ACOXL: variants seen among roughly 807,000 people sequenced by gnomAD.
ACOXL encodes acyl-CoA oxidase like.
A neutral mutation model predicts 71.9 loss-of-function variants in ACOXL; 70 were observed. The ratio of observed to expected loss-of-function variants is 0.97; its 90% CI spans 0.80 to 1.19. ACOXL has a LOEUF of 1.19. Ranked by LOEUF, ACOXL falls within the 50% of genes most tolerant of loss-of-function variation. The pLI, the probability that ACOXL is intolerant of heterozygous loss-of-function variation, is 0.00. For missense variants in ACOXL, 703 were observed against 736.3 expected, an observed-to-expected ratio of 0.95 and a Z score of 0.52; for synonymous variants, 253 against 281.6, an observed-to-expected ratio of 0.90 and a Z score of 1.02.
intron 10 of ACOXL, among the ~76,000 whole-genome samples, chr2:110,857,349 A>G (rs1231901550): frequency 1.3e-5 from 2 of 152,136 alleles, no homozygotes; most frequent in Non-Finnish European, 2.9e-5. Flanking sequence ...TTCATCTCTC[A>G]TTGGCCAGAT....
intron 10 of ACOXL, among the ~76,000 whole-genome samples, chr2:110,867,382 T>C (rs527908109): frequency 2.0e-5 from 3 of 152,310 alleles, no homozygotes; most frequent in Non-Finnish European, 2.9e-5. Flanking sequence ...TAGATCCTTC[T>C]GCATCTCTCT....
At chr2:111,079,822 C>A (rs1485525018) in intron 16 of ACOXL, among the ~76,000 whole-genome samples, 1 of 123,438 alleles carries the variant, frequency 8.1e-6, no homozygotes, top group Non-Finnish European at 1.8e-5. Flanking sequence ...GTAAGAGTCA[C>A]CTTTTTTTTT....
At chr2:110,834,013 C>T (rs544683718) in intron 9 of ACOXL, among the ~76,000 whole-genome samples, 29 of 152,276 alleles carry the variant, frequency 1.9e-4, no homozygotes, top group African/African-American at 7.0e-4. Context: ...AATGGGCTTG[C>T]ACTTTCCTGT....
In ACOXL at chr2:110,956,309, T is replaced by C. The variant is rs146236057; in HGVS notation, c.1059+22667T>C. ...CTGTAGTTCACTATGGGTAGCGTAG[T>C]GCCTAAGATGGAGGGAGCCTTGGTA... On this transcript the variant is annotated intron_variant, in intron 12 of 17. Coordinates refer to ENST00000439055, the MANE Select transcript of ACOXL (RefSeq NM_001142807.4). Among the ~76,000 whole-genome samples the C allele has an allele frequency of 2.2e-3, 330 of 152,266 alleles. 1 individual carries two copies. Among genetic ancestry groups the C allele is most frequent in the African/African-American group, 7.3e-3 (302 of 41,538 alleles).
intron 14 of ACOXL, among the ~76,000 whole-genome samples, chr2:110,996,534 A>G (rs2063405123): frequency 6.6e-6 from 1 of 152,148 alleles, no homozygotes; most frequent in Non-Finnish European, 1.5e-5. Flanking sequence ...TGTCCACCCT[A>G]GCAATATCTG....
At chr2:110,953,169 G>A (rs577524447) in intron 12 of ACOXL, among the ~76,000 whole-genome samples, 3 of 152,220 alleles carry the variant, frequency 2.0e-5, no homozygotes, top group Non-Finnish European at 2.9e-5. Context: ...ATGGGACACT[G>A]GGAGTTTAAG....
intron 17 of ACOXL, chr2:111,100,509 T>C (rs1211220658): frequency 6.5e-6 from 1 of 152,708 alleles, no homozygotes; most frequent in Non-Finnish European, 1.5e-5. Flanking sequence ...ACCTCCCCCA[T>C]ATTTGATCAT....
intron 17 of ACOXL, chr2:111,101,136 C>T (rs1445225931): frequency 6.6e-6 from 1 of 152,612 alleles, no homozygotes; most frequent in Non-Finnish European, 1.5e-5. Context: ...CAGGATGCTG[C>T]TTGGCTCCTT....
chr2:110,863,959 T>C (rs1181221958), intron 10 of ACOXL, among the ~76,000 whole-genome samples: 1 of 152,100 alleles, frequency 6.6e-6, no homozygotes, highest in Admixed American at 6.6e-5. Context: ...GGCTAGAGCT[T>C]CTCCAATTTC....
At chr2:110,861,388 G>A (rs1693937169) in intron 10 of ACOXL, among the ~76,000 whole-genome samples, 1 of 152,012 alleles carries the variant, frequency 6.6e-6, no homozygotes, top group Admixed American at 6.5e-5. Context: ...CACTGGAAAT[G>A]CATATGGCTT....
intron 12 of ACOXL, among the ~76,000 whole-genome samples, chr2:110,954,589 C>G (rs1326876978): frequency 2.0e-5 from 3 of 152,184 alleles, no homozygotes; most frequent in Non-Finnish European, 2.9e-5. Flanking sequence ...AATAGAAGAG[C>G]TTAGATTGCT....
At chr2:110,892,847 G>A (rs941831692) in intron 10 of ACOXL, among the ~76,000 whole-genome samples, 1 of 152,170 alleles carries the variant, frequency 6.6e-6, no homozygotes. Context: ...GGAATTGTCT[G>A]GGAAGAGGGA....
At chr2:111,108,349 A>G (rs1196604838) in intron 17 of ACOXL, among the ~76,000 whole-genome samples, 1 of 132,100 alleles carries the variant, frequency 7.6e-6, no homozygotes, top group African/African-American at 2.9e-5. Context: ...AGGTCTATTT[A>G]TATACATTGA....
Position 111,051,216 on chromosome 2 carries a change from T to C in ACOXL, c.1440+1928T>C, listed in dbSNP as rs141044701. Among the ~76,000 whole-genome samples the C allele has an allele frequency of 5.5e-4, 83 of 152,280 alleles. 1 individual carries two copies. The highest frequency in any genetic ancestry group is 3.4e-3 in the Middle Eastern group (1 of 294). The stretch of plus-strand genomic sequence containing the variant: ...CTATTTTATGATTTTTTTTAGGAGA[T>C]TGAGGTTTTCTAATGTCACATATCA... On this transcript the variant is annotated intron_variant, in intron 16 of 17. Transcript: ENST00000439055.
intron 17 of ACOXL, among the ~76,000 whole-genome samples, chr2:111,095,527 A>C (rs1366123401): frequency 6.7e-6 from 1 of 149,976 alleles, no homozygotes; most frequent in African/African-American, 2.5e-5. Context: ...AGTAGCTGGG[A>C]TTATAGGCAC....
intron 1 of ACOXL, among the ~76,000 whole-genome samples, chr2:110,745,445 G>A (rs1678081417): frequency 6.6e-6 from 1 of 152,226 alleles, no homozygotes. Context: ...CCAGCATCAT[G>A]TAGTTTGGGC....
intron 11 of ACOXL, among the ~76,000 whole-genome samples, chr2:110,921,310 A>G (rs747129632): frequency 6.7e-6 from 1 of 148,674 alleles, no homozygotes; most frequent in Non-Finnish European, 1.5e-5. Context: ...TATCTGCTCC[A>G]ATCTTTATTT....
At chr2:111,007,033 A>C (rs910619775) in intron 14 of ACOXL, among the ~76,000 whole-genome samples, 2 of 152,150 alleles carry the variant, frequency 1.3e-5, no homozygotes, top group Non-Finnish European at 2.9e-5. Flanking sequence ...AAGGAAGGGG[A>C]GGCAAAGATA....
chr2:111,070,698 T>C (rs963110867), intron 16 of ACOXL, among the ~76,000 whole-genome samples: 2 of 152,044 alleles, frequency 1.3e-5, no homozygotes, highest in Admixed American at 1.3e-4. Context: ...TTCCTCTGTC[T>C]CCCTTTGTGC....
Sources: gnomAD v4.1 joint callset for allele counts (sites outside exome capture counted in the v4.1 genomes callset) on GRCh38, gnomAD v4.1.1 for gene constraint, MANE v1.5 for transcripts, NCBI Gene and HGNC (gene_info 2026-07-23, HGNC 2026-07-21) for gene names.